The following HK2 variants were observed in gnomAD, a reference collection of about 807,000 sequenced individuals.
The protein encoded by HK2 is hexokinase 2.
A neutral mutation model predicts 92.9 loss-of-function variants in HK2; 42 were observed. The observed-to-expected ratio is 0.45, with a 90% CI of 0.35 to 0.58. HK2 has a LOEUF of 0.58. HK2 is among the 20% of genes least tolerant of loss of function. The pLI is 0.00. For missense variants in HK2, 978 were observed against 1,245.1 expected, an observed-to-expected ratio of 0.79 and a Z score of 3.23; for synonymous variants, 422 against 468.0, an observed-to-expected ratio of 0.90 and a Z score of 1.27.
intron 11 of HK2, 111 bp from the exon 12 acceptor site, chr2:74,882,009 G>A (rs1385307873): frequency 7.0e-7 from 1 of 1,431,778 alleles, no homozygotes; most frequent in Non-Finnish European, 9.9e-7. Context: ...TTGTGCCTGA[G>A]CCTGCATTTC....
At chr2:74,885,757 C>G (rs567834104) in intron 13 of HK2, among the ~76,000 whole-genome samples, 168 bp downstream of exon 13, 1 of 152,060 alleles carries the variant, frequency 6.6e-6, no homozygotes, top group South Asian at 2.1e-4. Flanking sequence ...AAGCAATGCT[C>G]TCAGCACTGG....
At chr2:74,867,548 T>C in intron 2 of HK2, 88 bp from the exon 3 acceptor site, 1 of 1,483,798 alleles carries the variant, frequency 6.7e-7, no homozygotes, top group Non-Finnish European at 9.4e-7. Flanking sequence ...CCCACAGATA[T>C]TCCTGGAGGG....
In HK2 at chr2:74,873,835, T is replaced by A; in HGVS notation, c.592-9T>A. 1 of 1,608,302 alleles carries A rather than the reference T, an allele frequency of 6.2e-7. No individual in the cohort carries two copies. The highest frequency in any genetic ancestry group is 8.5e-7 in the Non-Finnish European group (1 of 1,174,900). ...ATGAAGGTCAGAGCCCTCCCATTTGTCTCCACAGGACTTTGATATCGACAT... is the reference window on the plus strand; with the variant it reads ...ATGAAGGTCAGAGCCCTCCCATTTGACTCCACAGGACTTTGATATCGACAT... On this transcript the variant is annotated splice_polypyrimidine_tract_variant and intron_variant, in intron 5 of 17. Coordinates refer to ENST00000290573, the MANE Select transcript of HK2 (RefSeq NM_000189.5).
At chr2:74,855,820 A>G (rs775848304) in intron 2 of HK2, among the ~76,000 whole-genome samples, 17 of 152,106 alleles carry the variant, frequency 1.1e-4, no homozygotes, top group African/African-American at 1.9e-4. Context: ...TGGGTGGGCA[A>G]AAAGAGTATT....
chr2:74,855,513 G>C (rs1398718950), intron 2 of HK2, among the ~76,000 whole-genome samples: 2 of 152,120 alleles, frequency 1.3e-5, no homozygotes, highest in African/African-American at 4.8e-5. Context: ...GGGATTACAG[G>C]CGTGGCTACC....
In HK2 at chr2:74,881,815, A is replaced by T; in HGVS notation, c.1675A>T (p.Ile559Phe). 6.2e-7 allele frequency: 1 copy of T among 1,614,138 alleles called. No individual in the cohort carries two copies. Among genetic ancestry groups the T allele is most frequent in the Non-Finnish European group, 8.5e-7 (1 of 1,180,022 alleles). ...GGGTGGAGTGGAGATGCACAACAAG[A>T]TCTACGCCATCCCGCAGGAGGTCAT... ...KWGGVEMHNK[I>F]YAIPQEVMHG... Residue 559 changes from isoleucine (I) to phenylalanine (F), a missense_variant, in exon 11 of 18, where the codon ATC becomes TTC. Ile to Phe is a conservative substitution (Grantham distance 21, BLOSUM62 0). Coordinates refer to ENST00000290573, the MANE Select transcript of HK2 (RefSeq NM_000189.5).
Position 74,877,340 on chromosome 2 carries a change from C to A in HK2, c.1031+19C>A. On this transcript the variant is annotated intron_variant, in intron 8 of 17. Coordinates refer to ENST00000290573, the MANE Select transcript of HK2 (RefSeq NM_000189.5). Reference sequence around the variant, plus strand: ...TTGAAGGGTGAGCTTCTGGCCAGCCCCCTCTATTTGCTGGATCACCACACG... The same window carrying A: ...TTGAAGGGTGAGCTTCTGGCCAGCCACCTCTATTTGCTGGATCACCACACG... 1 of 1,613,968 alleles carries A rather than the reference C, an allele frequency of 6.2e-7. No individual in the cohort carries two copies. The highest frequency in any genetic ancestry group is 1.7e-5 in the Admixed American group (1 of 60,016).
chr2:74,889,352 G>A lies in HK2; in HGVS notation c.2483G>A (p.Arg828Gln), dbSNP rs148653106. 146 of 1,614,180 alleles carry A rather than the reference G, an allele frequency of 9.0e-5. No homozygotes were observed. Among genetic ancestry groups the A allele is most frequent in the African/African-American group, 1.3e-4 (10 of 75,042 alleles). ...AAGGAGGTGTGCACTGTGGTGGCCC[G>A]GCGGGCAGCCCAGCTCTGTGGCGCA... is the stretch of plus-strand genomic sequence containing the variant. ...IVKEVCTVVARRAAQLCGAGM... is the reference protein window; with the variant it reads ...IVKEVCTVVAQRAAQLCGAGM... The change falls in exon 17 of 18, where the codon CGG becomes CAG. Residue 828 changes from arginine to glutamine, a missense_variant. Around this residue, in one of 3 missense-constraint regions of HK2, gnomAD observed 742 missense variants for 922.5 expected, o/e 0.80. Transcript: ENST00000290573.
At chr2:74,889,640 G>A (rs751812743) in intron 17 of HK2, among the ~76,000 whole-genome samples, 162 bp downstream of exon 17, 4 of 152,084 alleles carry the variant, frequency 2.6e-5, no homozygotes, top group Non-Finnish European at 5.9e-5. Flanking sequence ...ATCAGAAGTA[G>A]GCCTGTGTTT....
At chr2:74,851,461 T>G (rs1476863822) in intron 1 of HK2, among the ~76,000 whole-genome samples, 1 of 152,218 alleles carries the variant, frequency 6.6e-6, no homozygotes, top group African/African-American at 2.4e-5. Context: ...ATGAGAAGTG[T>G]CTGACTGGAT....
At chr2:74,877,888 T>G (rs1689272913) in intron 8 of HK2, among the ~76,000 whole-genome samples, 1 of 152,214 alleles carries the variant, frequency 6.6e-6, no homozygotes, top group Admixed American at 6.5e-5. Flanking sequence ...GGGCCTCGTT[T>G]ACTGTTCTTG....
rs201413380 is a variant in HK2 at position 74,885,502 on chromosome 2, C to T, written c.1848C>T (p.Leu616=). The change falls in exon 13 of 18, where the codon CTC becomes CTT. Residue 616 remains leucine (L), a synonymous_variant. Transcript: ENST00000290573. ...TTGTGTGTGATTTTTAGAGCATCCT[C>T]CTCAAGTGGACAAAAGGCTTCAAGG... ...CQQNSLDESI[L]LKWTKGFKAS... is the part of the protein sequence containing the mutation. The T allele has an allele frequency of 2.5e-6, 4 of 1,612,948 alleles. No homozygotes were observed. The highest frequency in any genetic ancestry group is 3.4e-6 in the Non-Finnish European group (4 of 1,179,080).
At chr2:74,885,160 C>T (rs2104005827) in intron 12 of HK2, among the ~76,000 whole-genome samples, 1 of 152,326 alleles carries the variant, frequency 6.6e-6, no homozygotes, top group Middle Eastern at 3.4e-3. Flanking sequence ...CATCCTGCTT[C>T]TCTCTTCCAA....
At chr2:74,867,021 G>C (rs928951231) in intron 2 of HK2, among the ~76,000 whole-genome samples, 4 of 152,132 alleles carry the variant, frequency 2.6e-5, no homozygotes, top group Non-Finnish European at 5.9e-5. Flanking sequence ...TGGTGTTCTG[G>C]GGGTATGAGG....
At chr2:74,840,627 A>G (rs842667) in intron 1 of HK2, among the ~76,000 whole-genome samples, 12,154 of 149,430 alleles carry the variant, frequency 0.081, 515 homozygotes, top group East Asian at 0.11. Context: ...CAGCACTTTG[A>G]GAGGCCAAGG....
intron 2 of HK2, among the ~76,000 whole-genome samples, chr2:74,855,109 G>A (rs1381010662): frequency 6.6e-6 from 1 of 152,174 alleles, no homozygotes; most frequent in Non-Finnish European, 1.5e-5. Flanking sequence ...TGATTCTCCT[G>A]CCTCACCCTC....
chr2:74,890,830 C>A lies in HK2; in HGVS notation c.2643C>A (p.Asp881Glu). Residue 881 changes from aspartate (D) to glutamate (E), a missense_variant, in exon 18 of 18, where the codon GAC (aspartate) becomes GAA (glutamate). Asp to Glu is a conservative substitution (Grantham distance 45). Around this residue, in one of 3 missense-constraint regions of HK2, gnomAD observed 742 missense variants for 922.5 expected, o/e 0.80. Coordinates refer to ENST00000290573, the MANE Select transcript of HK2 (RefSeq NM_000189.5). ...AAGTCATGCATGAGACAGTGAAGGA[C>A]CTGGCTCCGAAATGTGATGTGTCTT... ...FAKVMHETVKDLAPKCDVSFL... is the reference protein window; with the variant it reads ...FAKVMHETVKELAPKCDVSFL... 2 of 1,614,180 alleles carry A rather than the reference C, an allele frequency of 1.2e-6. No homozygotes were observed. Among genetic ancestry groups the A allele is most frequent in the Non-Finnish European group, 1.7e-6 (2 of 1,180,018 alleles).
intron 1 of HK2, among the ~76,000 whole-genome samples, chr2:74,835,568 A>C (rs573152132): frequency 6.6e-6 from 1 of 151,974 alleles, no homozygotes; most frequent in South Asian, 2.1e-4. Context: ...GCCTCAGGCC[A>C]AGCCGGGAAG....
chr2:74,887,491 A>T (rs1162856823), intron 15 of HK2, among the ~76,000 whole-genome samples: 3 of 152,048 alleles, frequency 2.0e-5, no homozygotes, highest in Admixed American at 6.5e-5. Flanking sequence ...GTCCAAGAGA[A>T]TGTATACTGA....
Sources: gnomAD v4.1 joint callset for allele counts (sites outside exome capture counted in the v4.1 genomes callset) on GRCh38, gnomAD v4.1.1 for gene constraint, gnomAD v4.1.1 regional missense constraint, MANE v1.5 for transcripts, NCBI Gene and HGNC (gene_info 2026-07-23, HGNC 2026-07-21) for gene names.